Variants in SYN3 observed in about 807,000 individuals in gnomAD.
SYN3 encodes the protein synapsin-3.
In SYN3, 35 loss-of-function variants were observed where a neutral mutation model predicts 65.8. The observed-to-expected ratio is 0.53, with a 90% CI of 0.41 to 0.70. The LOEUF is 0.70. SYN3 is among the 30% of genes least tolerant of loss of function. The probability of loss-of-function intolerance (pLI) is 0.00; values close to 1 mark genes in which losing one functional copy is unlikely to be tolerated. For missense variants in SYN3, 680 were observed against 749.0 expected (o/e 0.91, Z 1.08); for synonymous variants, 270 against 292.9 (o/e 0.92, Z 0.80).
intron 6 of SYN3, among the ~76,000 whole-genome samples, chr22:32,745,601 C>A (rs780538673): frequency 1.3e-5 from 2 of 152,158 alleles, no homozygotes; most frequent in Non-Finnish European, 2.9e-5. Context: ...AGCCACTGCA[C>A]GGCCCTGGGT....
At chr22:33,021,784 AT>A (rs57313381) in intron 1 of SYN3, among the ~76,000 whole-genome samples, 2,298 of 141,680 alleles carry the variant, frequency 0.016, 37 homozygotes, top group African/African-American at 0.045. Flanking sequence ...ACTGTAACTT[AT>A]TTTTTTTTTT....
intron 1 of SYN3, among the ~76,000 whole-genome samples, chr22:33,041,803 C>T (rs2053969199): frequency 6.6e-6 from 1 of 152,098 alleles, no homozygotes; most frequent in Non-Finnish European, 1.5e-5. Context: ...AAGCATCTTT[C>T]AAAACCCAGC....
intron 3 of SYN3, among the ~76,000 whole-genome samples, chr22:32,952,573 T>C (rs189987494): frequency 3.9e-3 from 599 of 151,956 alleles, no homozygotes; most frequent in Non-Finnish European, 6.3e-3. Flanking sequence ...TGGGAAAACA[T>C]AGTGAGACCC....
intron 6 of SYN3, 70 bp from the exon 7 acceptor site, chr22:32,596,806 G>T (rs1211480632): frequency 2.0e-6 from 3 of 1,477,148 alleles, no homozygotes; most frequent in Non-Finnish European, 2.8e-6. Flanking sequence ...GGTGCTGCTT[G>T]TTCCATAGAA....
intron 6 of SYN3, among the ~76,000 whole-genome samples, chr22:32,661,485 CT>C (rs1382867426): frequency 2.0e-5 from 3 of 152,262 alleles, no homozygotes; most frequent in Non-Finnish European, 4.4e-5. Context: ...TTCCAAAGCT[CT>C]TTTCTTTCCT....
chr22:32,826,688 A>G lies in SYN3; in HGVS notation c.711+38227T>C, dbSNP rs147268652. Reference sequence around the variant, plus strand: ...CTCTGAACTTCCTGGCATCTTAGTTAGCCTATTTGAGCTGGAATAAAATGT... The same window carrying G: ...CTCTGAACTTCCTGGCATCTTAGTTGGCCTATTTGAGCTGGAATAAAATGT... On this transcript the variant is annotated intron_variant, in intron 6 of 13. Transcript: ENST00000358763. 6.0e-3 allele frequency among the ~76,000 whole-genome samples: 908 copies of G among 152,294 alleles called. 1 individual carries two copies. The highest frequency in any genetic ancestry group is 8.4e-3 in the Non-Finnish European group (572 of 68,028).
rs567939789 is a variant in SYN3 at position 32,630,226 on chromosome 22, C to T, written c.712-33490G>A. Among the ~76,000 whole-genome samples, 94 of 152,108 alleles carry T rather than the reference C, an allele frequency of 6.2e-4. 2 individuals carry two copies. In the East Asian group the frequency reaches 0.013, roughly 21 times the overall value. On this transcript the variant is annotated intron_variant, in intron 6 of 13. Transcript: ENST00000358763. Reference sequence around the variant, plus strand: ...CTCCATCTCTTGACCTCATGATCTGCCCCCCTCGGCCTCCCAGAGTGCTGG... The same window carrying T: ...CTCCATCTCTTGACCTCATGATCTGTCCCCCTCGGCCTCCCAGAGTGCTGG...
intron 7 of SYN3, among the ~76,000 whole-genome samples, chr22:32,552,789 C>T (rs80142337): frequency 0.044 from 6,679 of 152,290 alleles, 179 homozygotes; most frequent in Non-Finnish European, 0.067. Flanking sequence ...CGATATGTAA[C>T]AAATGTAAGC....
intron 6 of SYN3, among the ~76,000 whole-genome samples, chr22:32,728,883 G>C (rs187080132): frequency 6.6e-6 from 1 of 152,152 alleles, no homozygotes; most frequent in Non-Finnish European, 1.5e-5. Flanking sequence ...TGTGGGCAGA[G>C]CACACTCCTG....
intron 7 of SYN3, among the ~76,000 whole-genome samples, chr22:32,570,053 C>T (rs142046461): frequency 1.4e-3 from 211 of 152,278 alleles, no homozygotes; most frequent in African/African-American, 4.6e-3. Context: ...GTTTTTAGTA[C>T]GGGCCATGCT....
chr22:32,576,943 G>T (rs984840024), intron 7 of SYN3, among the ~76,000 whole-genome samples: 2 of 152,008 alleles, frequency 1.3e-5, no homozygotes, highest in Non-Finnish European at 2.9e-5. Context: ...GTATTCTAGA[G>T]TGTAGCATGA....
chr22:32,878,752 T>C (rs1392127602), intron 4 of SYN3, among the ~76,000 whole-genome samples: 1 of 152,184 alleles, frequency 6.6e-6, no homozygotes, highest in Non-Finnish European at 1.5e-5. Flanking sequence ...TAGTATGAAG[T>C]ATATTTCACT....
At chr22:32,533,482 G>T (rs898677422) in intron 10 of SYN3, among the ~76,000 whole-genome samples, 1 of 152,154 alleles carries the variant, frequency 6.6e-6, no homozygotes, top group Non-Finnish European at 1.5e-5. Context: ...AATGGAAGGG[G>T]CCCCATGGGA....
chr22:32,782,787 G>C (rs2046102662), intron 6 of SYN3, among the ~76,000 whole-genome samples: 1 of 152,174 alleles, frequency 6.6e-6, no homozygotes. Context: ...AAAGTGCTGG[G>C]ATTACAGGCG....
chr22:33,008,373 C>T (rs2053251602), intron 1 of SYN3, among the ~76,000 whole-genome samples: 1 of 151,984 alleles, frequency 6.6e-6, no homozygotes, highest in Non-Finnish European at 1.5e-5. Flanking sequence ...TCTTTTGTAC[C>T]CCTTCTGGTC....
chr22:32,647,196 T>A (rs952419528), intron 6 of SYN3, among the ~76,000 whole-genome samples: 1 of 152,148 alleles, frequency 6.6e-6, no homozygotes, highest in African/African-American at 2.4e-5. Context: ...TCTGCATGTC[T>A]ATGAGTTCCA....
chr22:32,834,944 G>A (rs1253963460), intron 6 of SYN3, among the ~76,000 whole-genome samples: 1 of 152,194 alleles, frequency 6.6e-6, no homozygotes, highest in African/African-American at 2.4e-5. Flanking sequence ...ATGAACTAGT[G>A]GCCTCCCCTT....
Position 32,743,464 on chromosome 22 carries a change from G to A in SYN3, c.711+121451C>T, listed in dbSNP as rs555887820. ...GAAGGAAAGAAAGGTTGGAGACAGA[G>A]GAGAGGGAGGGAGCATTAGGGAGAG... On this transcript the variant is annotated intron_variant, in intron 6 of 13. Coordinates refer to ENST00000358763, the MANE Select transcript of SYN3 (RefSeq NM_003490.4). Among the ~76,000 whole-genome samples, 7 of 152,330 alleles carry A rather than the reference G, an allele frequency of 4.6e-5. No homozygotes were observed. The East Asian group carries it at 1.3e-3, about 29-fold the overall frequency.
At chr22:32,712,333 T>C (rs191215404) in intron 6 of SYN3, among the ~76,000 whole-genome samples, 1 of 152,352 alleles carries the variant, frequency 6.6e-6, no homozygotes, top group Admixed American at 6.5e-5. Flanking sequence ...CTTATCACTA[T>C]TTCAAAGCAT....
Sources: gnomAD v4.1 joint callset for allele counts (sites outside exome capture counted in the v4.1 genomes callset) on GRCh38, gnomAD v4.1.1 for gene constraint, MANE v1.5 for transcripts, NCBI Gene and HGNC (gene_info 2026-07-23, HGNC 2026-07-21) for gene names.